Variants in TRPA1 observed in about 807,000 individuals in gnomAD.
TRPA1 encodes ankyrin-like with transmembrane domains 1.
Under a neutral mutation model 131.3 loss-of-function variants are expected in TRPA1, and 129 were observed. The ratio of observed to expected loss-of-function variants is 0.98; its 90% CI spans 0.85 to 1.14. The LOEUF is 1.14. Among genes scored for constraint, TRPA1 ranks in the 50% most tolerant of loss-of-function variants. TRPA1 has a pLI of 0.00. For missense variants in TRPA1, 1,304 were observed against 1,354.2 expected (o/e 0.96, Z 0.58); for synonymous variants, 441 against 451.7 (o/e 0.98, Z 0.30).
intron 12 of TRPA1, 85 bp downstream of exon 12, chr8:72,055,351 C>T: frequency 8.5e-7 from 1 of 1,169,742 alleles, no homozygotes; most frequent in Non-Finnish European, 1.3e-6. Flanking sequence ...AAAGTTAGAC[C>T]TCATAATTAA....
Position 72,061,671 on chromosome 8 carries a change from C to T in TRPA1, c.898G>A (p.Asp300Asn). ...CATCCATCGGTTGTGTTAACAATAT[C>T]CACGCTACCAGAATAGGACGATATC... The part of the protein sequence containing the change: ...LMISSYSGSV[D>N]IVNTTDGCHE... The change falls in exon 7 of 27, where the codon GAT becomes AAT. Residue 300 changes from aspartate to asparagine, a missense_variant. Coordinates refer to ENST00000262209, the MANE Select transcript of TRPA1 (RefSeq NM_007332.3). The T allele has an allele frequency of 1.2e-6, 2 of 1,614,008 alleles. No individual in the cohort carries two copies. Among genetic ancestry groups the T allele is most frequent in the Non-Finnish European group, 1.7e-6 (2 of 1,179,966 alleles).
Position 72,055,783 on chromosome 8 carries a change from G to A in TRPA1, c.1267C>T (p.Gln423Ter). Residue 423 changes from glutamine to a stop codon, truncating the protein, a stop_gained, in exon 11 of 27, where the codon CAG (glutamine) becomes TAG (stop). Coordinates refer to ENST00000262209, the MANE Select transcript of TRPA1 (RefSeq NM_007332.3). LOFTEE classifies it high-confidence loss of function. ...TTATTTACAGAACCAGGGCCCCCCT[G>A]TCTACATGCATAATGTAGAGGAGTA... ...GCTPLHYACR[Q>*]GGPGSVNNLL... is the part of the protein sequence containing the mutation. 2 of 1,610,688 alleles carry A rather than the reference G, an allele frequency of 1.2e-6. No individual in the cohort carries two copies. The highest frequency in any genetic ancestry group is 8.5e-7 in the Non-Finnish European group (1 of 1,177,162).
At chr8:72,085,539 G>T in the TRPA1 span, among the ~76,000 whole-genome samples, 5,836 of 151,318 alleles carry the variant, frequency 0.039, 378 homozygotes, top group African/African-American at 0.13. Flanking sequence ...TTTTATACTT[G>T]AATTTCATTT....
the TRPA1 span, among the ~76,000 whole-genome samples, chr8:72,087,943 T>G: frequency 1.3e-5 from 2 of 152,174 alleles, no homozygotes; most frequent in Admixed American, 1.3e-4. Context: ...CAGCTCCCAT[T>G]CTGGGAACAG....
intron 25 of TRPA1, 24 bp from the exon 26 acceptor site, chr8:72,023,935 A>T (rs200341720): frequency 1.4e-6 from 2 of 1,463,018 alleles, no homozygotes; most frequent in African/African-American, 2.8e-5. Context: ...AATAGTAGTT[A>T]CTCAAATTGA....
intron 17 of TRPA1, among the ~76,000 whole-genome samples, chr8:72,045,007 A>G (rs1328386883): frequency 2.0e-5 from 3 of 151,914 alleles, no homozygotes; most frequent in Non-Finnish European, 4.4e-5. Flanking sequence ...TTTTTTTCTG[A>G]TAGAAGTATT....
intron 8 of TRPA1, among the ~76,000 whole-genome samples, chr8:72,058,283 C>T (rs529872513): frequency 3.0e-3 from 451 of 151,800 alleles, no homozygotes; most frequent in African/African-American, 0.011. Context: ...ATAATTGAAT[C>T]GAAATCACTC....
At chr8:72,080,478 T>A (rs1010846119), upstream of TRPA1, among the ~76,000 whole-genome samples, 1 of 151,732 alleles carries the variant, frequency 6.6e-6, no homozygotes, top group Non-Finnish European at 1.5e-5. Flanking sequence ...AGGTTGCTAA[T>A]ATTTTGTCAA....
chr8:72,052,739 C>G lies in TRPA1; in HGVS notation c.1671G>C (p.Arg557Ser), dbSNP rs1216325318. Residue 557 changes from arginine to serine, a missense_variant, in exon 14 of 27, where the codon AGG becomes AGC. Arg to Ser is a moderately radical substitution (Grantham distance 110). Transcript: ENST00000262209. ...DGNTALHFAAREGHAKAVALL... is the reference protein window; with the variant it reads ...DGNTALHFAASEGHAKAVALL... ...GCGCAACGGCTTTGGCGTGGCCTTC[C>G]CTTGCAGCAAAGTGAAGTGCAGTGT... 11 of 1,613,332 alleles carry G rather than the reference C, an allele frequency of 6.8e-6. No homozygotes were observed. Among genetic ancestry groups the G allele is most frequent in the Non-Finnish European group, 9.3e-6 (11 of 1,179,846 alleles).
intron 23 of TRPA1, 25 bp from the exon 24 acceptor site, chr8:72,029,994 C>A: frequency 6.2e-7 from 1 of 1,604,482 alleles, no homozygotes; most frequent in Non-Finnish European, 8.5e-7. Context: ...AAAATTAAAT[C>A]ACTACAGTTG....
chr8:72,031,083 G>A (rs778034642), intron 23 of TRPA1, among the ~76,000 whole-genome samples: 2 of 152,198 alleles, frequency 1.3e-5, no homozygotes, highest in Non-Finnish European at 2.9e-5. Context: ...GCTTAGTATA[G>A]AGCAGGGTAC....
chr8:72,053,575 T>G (rs930293048), intron 13 of TRPA1, 178 bp downstream of exon 13: 1 of 639,348 alleles, frequency 1.6e-6, no homozygotes, highest in Non-Finnish European at 2.8e-6. Context: ...CTTGGTATTC[T>G]CCCAATTCTG....
intron 3 of TRPA1, among the ~76,000 whole-genome samples, chr8:72,067,619 A>G (rs2129436484): frequency 6.6e-6 from 1 of 152,278 alleles, no homozygotes; most frequent in South Asian, 2.1e-4. Context: ...CACGGCCAAT[A>G]TTAAGTTAAT....
intron 25 of TRPA1, among the ~76,000 whole-genome samples, chr8:72,024,116 A>C (rs1014851355): frequency 6.6e-6 from 1 of 152,222 alleles, no homozygotes; most frequent in Non-Finnish European, 1.5e-5. Context: ...AGAGAAATAA[A>C]ACATGTACAG....
chr8:72,061,880 G>C, intron 6 of TRPA1, 119 bp from the exon 7 acceptor site: 1 of 1,074,170 alleles, frequency 9.3e-7, no homozygotes, highest in Non-Finnish European at 1.4e-6. Context: ...CTATCAGGCT[G>C]ATCACCATTA....
chr8:72,057,867 T>G lies in TRPA1; in HGVS notation c.994-51A>C, dbSNP rs762383286. ...AAAGAGCTTAGAAACAGATAAATCA[T>G]AATATATTGTAATCTCTAACTAATG... is the stretch of plus-strand genomic sequence containing the variant. On this transcript the variant is annotated intron_variant, in intron 8 of 26. Transcript: ENST00000262209. 4.6e-6 allele frequency: 6 copies of G among 1,307,558 alleles called. No individual in the cohort carries two copies. In the South Asian group the frequency reaches 6.0e-5, roughly 13 times the overall value. 81.0% of individuals were successfully genotyped at this position (1,307,558 alleles called of 1,614,324 possible).
At chr8:72,063,397 C>A in intron 5 of TRPA1, 66 bp downstream of exon 5, 2 of 1,184,818 alleles carry the variant, frequency 1.7e-6, no homozygotes, top group South Asian at 2.6e-5. Context: ...AAAAAAAAAT[C>A]AAATTAATAG....
Position 72,036,278 on chromosome 8 carries a change from C to A in TRPA1, c.2555+10G>T. On this transcript the variant is annotated intron_variant, in intron 21 of 26. Coordinates refer to ENST00000262209, the MANE Select transcript of TRPA1 (RefSeq NM_007332.3). ...TTAAAGGATGTGGAAATAATTCAAGCTTGTTTTACCTTTGAAGATACAATA... is the reference window on the plus strand; with the variant it reads ...TTAAAGGATGTGGAAATAATTCAAGATTGTTTTACCTTTGAAGATACAATA... 6.2e-7 allele frequency: 1 copy of A among 1,613,522 alleles called. No individual in the cohort carries two copies. Among genetic ancestry groups the A allele is most frequent in the South Asian group, 1.1e-5 (1 of 91,032 alleles).
At chr8:72,072,583 C>A (rs1354908440) in intron 1 of TRPA1, among the ~76,000 whole-genome samples, 4 of 152,174 alleles carry the variant, frequency 2.6e-5, no homozygotes, top group Non-Finnish European at 4.4e-5. Flanking sequence ...AGCATCCAAC[C>A]ACTTCCAAAT....
Sources: gnomAD v4.1 joint callset for allele counts (sites outside exome capture counted in the v4.1 genomes callset) on GRCh38, gnomAD v4.1.1 for gene constraint, MANE v1.5 for transcripts, NCBI Gene and HGNC (gene_info 2026-07-23, HGNC 2026-07-21) for gene names.